The following EPRS1 variants were observed in gnomAD, a reference collection of about 807,000 sequenced individuals.
The protein encoded by EPRS1 is bifunctional glutamate/proline--tRNA ligase.
EPRS1 carries 107 observed loss-of-function variants against 188.3 expected under a neutral mutation model. The ratio of observed to expected loss-of-function variants is 0.57; its 90% CI spans 0.49 to 0.67. The LOEUF (loss-of-function observed/expected upper bound fraction) is 0.67, where lower values mean the gene tolerates loss of function less well. EPRS1 is among the 30% of genes least tolerant of loss of function. EPRS1 has a pLI of 0.00. For missense variants in EPRS1, 1,577 were observed against 1,802.2 expected, an observed-to-expected ratio of 0.88 and a Z score of 2.26; for synonymous variants, 596 against 593.1, an observed-to-expected ratio of 1.00 and a Z score of -0.07.
At chr1:219,992,966 AG>A (rs1433673668) in intron 18 of EPRS1, among the ~76,000 whole-genome samples, 1 of 151,990 alleles carries the variant, frequency 6.6e-6, no homozygotes, top group Non-Finnish European at 1.5e-5. Context: ...CAGGCCCAGC[AG>A]CTCACATCAG....
intron 30 of EPRS1, among the ~76,000 whole-genome samples, chr1:219,970,853 A>C (rs1008224097): frequency 1.3e-5 from 2 of 152,008 alleles, no homozygotes; most frequent in African/African-American, 4.8e-5. Flanking sequence ...TTACAAAAGC[A>C]ATAACCCAAT....
rs1465090411 is a variant in EPRS1 at position 219,980,073 on chromosome 1, G to T, written c.3711+12C>A. ...TACAGTGACCTACGAATCCTGTGTGGCAGTTTGATACCTGGATAGCTCTTC... is the reference window on the plus strand; with the variant it reads ...TACAGTGACCTACGAATCCTGTGTGTCAGTTTGATACCTGGATAGCTCTTC... On this transcript the variant is annotated intron_variant, in intron 26 of 31. Transcript: ENST00000366923. The T allele has an allele frequency of 1.2e-6, 2 of 1,611,638 alleles. No homozygotes were observed. The highest frequency in any genetic ancestry group is 1.7e-6 in the Non-Finnish European group (2 of 1,178,348).
At chr1:219,983,850 A>G (rs912094037) in intron 21 of EPRS1, among the ~76,000 whole-genome samples, 8 of 148,870 alleles carry the variant, frequency 5.4e-5, no homozygotes, top group African/African-American at 1.7e-4. Flanking sequence ...CCAAGATCGC[A>G]CCACTGCACA....
intron 12 of EPRS1, among the ~76,000 whole-genome samples, chr1:220,016,577 ATTTTTTTT>A (rs57664248): frequency 2.9e-5 from 2 of 69,620 alleles, no homozygotes; most frequent in South Asian, 6.5e-4. Flanking sequence ...GGCCTAGCTA[ATTTTTTTT>A]TTTTTTTTTT....
chr1:220,023,520 T>C (rs1486887769), intron 8 of EPRS1, among the ~76,000 whole-genome samples: 1 of 152,186 alleles, frequency 6.6e-6, no homozygotes, highest in Non-Finnish European at 1.5e-5. Flanking sequence ...GATATGCTCT[T>C]CAGTCAAGTG....
At chr1:220,021,347 C>A (rs1661874892) in intron 9 of EPRS1, among the ~76,000 whole-genome samples, 1 of 152,110 alleles carries the variant, frequency 6.6e-6, no homozygotes, top group African/African-American at 2.4e-5. Flanking sequence ...TGCCACCATA[C>A]CTGGCTAGTT....
At chr1:219,996,321 T>C (rs1661230782) in intron 18 of EPRS1, among the ~76,000 whole-genome samples, 1 of 152,226 alleles carries the variant, frequency 6.6e-6, no homozygotes. Context: ...AAAAACCTCT[T>C]GACAATCCAT....
chr1:220,003,773 T>C (rs750300083), intron 16 of EPRS1, among the ~76,000 whole-genome samples: 5 of 152,224 alleles, frequency 3.3e-5, no homozygotes, highest in Non-Finnish European at 5.9e-5. Flanking sequence ...CTACACTGTA[T>C]GCATGCGTGA....
intron 16 of EPRS1, among the ~76,000 whole-genome samples, chr1:220,003,621 A>G (rs2647449): frequency 0.81 from 122,852 of 152,152 alleles, 49,732 homozygotes; most frequent in East Asian, 0.93. Flanking sequence ...ATGTGTAGCT[A>G]TTCAGTTCTT....
chr1:219,996,433 A>G (rs2102573764), intron 18 of EPRS1, among the ~76,000 whole-genome samples: 1 of 152,324 alleles, frequency 6.6e-6, no homozygotes, highest in Admixed American at 6.5e-5. Context: ...GGACAGTAGC[A>G]TCTGCATCAC....
intron 18 of EPRS1, among the ~76,000 whole-genome samples, chr1:219,990,846 T>C (rs1210686059): frequency 1.3e-5 from 2 of 152,164 alleles, no homozygotes; most frequent in Non-Finnish European, 2.9e-5. Flanking sequence ...TACTATGATT[T>C]AGTACAATAT....
chr1:220,010,136 C>G (rs1478898834), intron 13 of EPRS1, among the ~76,000 whole-genome samples: 1 of 149,208 alleles, frequency 6.7e-6, no homozygotes, highest in Non-Finnish European at 1.5e-5. Context: ...TTTAGATGGA[C>G]CCTTCACTTA....
intron 6 of EPRS1, among the ~76,000 whole-genome samples, chr1:220,029,784 T>C (rs997140122): frequency 6.6e-6 from 1 of 152,214 alleles, no homozygotes; most frequent in East Asian, 1.9e-4. Context: ...AAGACTTCCT[T>C]CTCAGCCTTG....
At chr1:220,009,535 A>C (rs1274769506) in intron 13 of EPRS1, among the ~76,000 whole-genome samples, 1 of 152,102 alleles carries the variant, frequency 6.6e-6, no homozygotes, top group African/African-American at 2.4e-5. Flanking sequence ...AAAAGTACAA[A>C]AATGAGCCAG....
intron 5 of EPRS1, 58 bp downstream of exon 5, chr1:220,032,329 G>T: frequency 7.1e-7 from 1 of 1,413,856 alleles, no homozygotes; most frequent in Non-Finnish European, 9.5e-7. Flanking sequence ...CTTGTGATCC[G>T]CCCGCCTCAG....
chr1:220,010,746 G>T (rs572802257), intron 13 of EPRS1, among the ~76,000 whole-genome samples, 200 bp downstream of exon 13: 343 of 151,124 alleles, frequency 2.3e-3, no homozygotes, highest in Non-Finnish European at 3.4e-3. Context: ...GGAGGCAGGG[G>T]TTGCAGTGAG....
chr1:219,997,196 A>C lies in EPRS1; in HGVS notation c.2328T>G (p.Asp776Glu), dbSNP rs776732656. The change falls in exon 18 of 32, where the codon GAT (aspartate) becomes GAG (glutamate). Residue 776 changes from aspartate (D) to glutamate (E), a missense_variant. Coordinates refer to ENST00000366923, the MANE Select transcript of EPRS1 (RefSeq NM_004446.3). Reference sequence around the variant, plus strand: ...AAAGCTGTTTTACAGCTGCATCTACATCTTCCTTTGGTGCTTTCTTGGCTT... The same window carrying C: ...AAAGCTGTTTTACAGCTGCATCTACCTCTTCCTTTGGTGCTTTCTTGGCTT... ...ELKAKKAPKE[D>E]VDAAVKQLLS... 13 of 1,614,040 alleles carry C rather than the reference A, an allele frequency of 8.1e-6. No homozygotes were observed. The highest frequency in any genetic ancestry group is 1.1e-5 in the Non-Finnish European group (13 of 1,179,966).
chr1:220,042,458 T>G (rs2102602091), intron 1 of EPRS1, among the ~76,000 whole-genome samples: 1 of 145,194 alleles, frequency 6.9e-6, no homozygotes, highest in Admixed American at 7.0e-5. Context: ...CAGTCCAGCC[T>G]GAGCAACAAG....
At chr1:219,982,661 A>T in intron 23 of EPRS1, 111 bp downstream of exon 23, 2 of 785,280 alleles carry the variant, frequency 2.5e-6, no homozygotes, top group Non-Finnish European at 4.3e-6. Context: ...ATGAAATGTT[A>T]TATCGTCAAC....
Sources: allele counts gnomAD v4.1 joint callset (sites outside exome capture counted in the v4.1 genomes callset), GRCh38; gene constraint gnomAD v4.1.1; transcripts MANE v1.5; gene names NCBI Gene and HGNC (gene_info 2026-07-23, HGNC 2026-07-21).